The following AUTS2 variants were observed in gnomAD, a reference collection of about 807,000 sequenced individuals.
The protein encoded by AUTS2 is autism susceptibility gene 2 protein.
A neutral mutation model predicts 112.4 loss-of-function variants in AUTS2; 17 were observed. The ratio of observed to expected loss-of-function variants is 0.15; its 90% confidence interval spans 0.10 to 0.23. AUTS2 has a LOEUF of 0.23. Among genes scored for constraint, AUTS2 ranks in the 10% least tolerant of loss-of-function variants. The pLI is 1.00. For synonymous variants in AUTS2, 751 were observed against 702.7 expected, an observed-to-expected ratio of 1.07 and a Z score of -1.09; for missense variants, 1,510 against 1,701.6, an observed-to-expected ratio of 0.89 and a Z score of 1.98.
At chr7:70,128,439 TTAAC>T (rs1806093676) in intron 3 of AUTS2, among the ~76,000 whole-genome samples, 1 of 152,166 alleles carries the variant, frequency 6.6e-6, no homozygotes, top group Non-Finnish European at 1.5e-5. Flanking sequence ...TGTTGCTACT[TTAAC>T]TAGTGTGATT....
At chr7:70,743,396 G>A (rs1788234591) in intron 6 of AUTS2, among the ~76,000 whole-genome samples, 1 of 150,422 alleles carries the variant, frequency 6.6e-6, no homozygotes, top group Non-Finnish European at 1.5e-5. Context: ...TTGAACTTGG[G>A]AGGCAGAGGT....
At chr7:70,707,202 G>T (rs887421053) in intron 6 of AUTS2, among the ~76,000 whole-genome samples, 4 of 152,162 alleles carry the variant, frequency 2.6e-5, no homozygotes, top group Admixed American at 2.0e-4. Flanking sequence ...ATTTAGAAAA[G>T]AATTTAGAAA....
intron 3 of AUTS2, among the ~76,000 whole-genome samples, chr7:70,121,251 G>T (rs938058704): frequency 6.6e-6 from 1 of 152,038 alleles, no homozygotes; most frequent in Non-Finnish European, 1.5e-5. Context: ...ACTCTTAGAA[G>T]AAAATATACA....
chr7:69,765,909 T>C (rs1788401467), intron 1 of AUTS2, among the ~76,000 whole-genome samples: 1 of 152,170 alleles, frequency 6.6e-6, no homozygotes, highest in Non-Finnish European at 1.5e-5. Flanking sequence ...ATCATGCCAC[T>C]GCATTCCAGC....
At chr7:70,329,605 A>AT (rs1399373811) in intron 4 of AUTS2, among the ~76,000 whole-genome samples, 2 of 147,916 alleles carry the variant, frequency 1.4e-5, no homozygotes, top group Admixed American at 1.4e-4. Flanking sequence ...TTTTTTGCTC[A>AT]TTTTTCAATT....
intron 4 of AUTS2, among the ~76,000 whole-genome samples, chr7:70,195,333 G>C (rs1584864329): frequency 6.6e-6 from 1 of 152,104 alleles, no homozygotes; most frequent in East Asian, 1.9e-4. Context: ...AATCAGAATA[G>C]GGAGTGAGCT....
At chr7:69,615,982 A>T (rs1011450570) in intron 1 of AUTS2, among the ~76,000 whole-genome samples, 1 of 152,250 alleles carries the variant, frequency 6.6e-6, no homozygotes, top group Non-Finnish European at 1.5e-5. Flanking sequence ...TGCTTAGTTC[A>T]GCACTGCTAG....
intron 1 of AUTS2, among the ~76,000 whole-genome samples, chr7:69,777,623 A>C (rs984399601): frequency 6.6e-6 from 1 of 152,234 alleles, no homozygotes; most frequent in Non-Finnish European, 1.5e-5. Flanking sequence ...TGCCCAGGAC[A>C]GTGCTTTGCA....
chr7:70,300,800 G>T (rs991460549), intron 4 of AUTS2, among the ~76,000 whole-genome samples: 2 of 152,122 alleles, frequency 1.3e-5, no homozygotes, highest in African/African-American at 4.8e-5. Context: ...GTGGGCTTTT[G>T]GGATGTAGAC....
chr7:69,961,506 T>A (rs1198376047), intron 2 of AUTS2, among the ~76,000 whole-genome samples: 1 of 152,174 alleles, frequency 6.6e-6, no homozygotes, highest in African/African-American at 2.4e-5. Flanking sequence ...AGTTGTAATC[T>A]CAGTATATTC....
intron 1 of AUTS2, among the ~76,000 whole-genome samples, chr7:69,874,264 A>G (rs1252869265): frequency 6.6e-6 from 1 of 152,146 alleles, no homozygotes; most frequent in East Asian, 1.9e-4. Flanking sequence ...CACACTTGGC[A>G]TGACTGGGAA....
chr7:70,569,711 C>G (rs1024873587), intron 5 of AUTS2, among the ~76,000 whole-genome samples: 2 of 152,194 alleles, frequency 1.3e-5, no homozygotes, highest in African/African-American at 2.4e-5. Flanking sequence ...CTCATTCATT[C>G]CTGTTACAGA....
chr7:70,406,833 G>A (rs1794557110), intron 4 of AUTS2, among the ~76,000 whole-genome samples: 1 of 152,172 alleles, frequency 6.6e-6, no homozygotes, highest in Non-Finnish European at 1.5e-5. Context: ...GTAACTCTTG[G>A]TAGCAAAGCA....
At chr7:70,598,101 C>T (rs544859159) in intron 5 of AUTS2, among the ~76,000 whole-genome samples, 19 of 152,294 alleles carry the variant, frequency 1.2e-4, no homozygotes, top group African/African-American at 4.3e-4. Context: ...TATCGAAAGA[C>T]GTTTGCTGTA....
intron 4 of AUTS2, among the ~76,000 whole-genome samples, chr7:70,234,505 T>C (rs974403288): frequency 1.3e-5 from 2 of 152,200 alleles, no homozygotes; most frequent in Admixed American, 1.3e-4. Flanking sequence ...GCCAGTTGTT[T>C]TTATGTGTAT....
chr7:70,049,426 T>C (rs1433725960), intron 2 of AUTS2, among the ~76,000 whole-genome samples: 2 of 151,790 alleles, frequency 1.3e-5, no homozygotes, highest in Non-Finnish European at 2.9e-5. Context: ...ACTTCCCAGG[T>C]TCAAGTGATT....
At chr7:70,175,274 C>T (rs1176182247) in intron 4 of AUTS2, among the ~76,000 whole-genome samples, 3 of 152,170 alleles carry the variant, frequency 2.0e-5, no homozygotes, top group African/African-American at 7.2e-5. Context: ...TGAATTTCTG[C>T]AATCTCATCA....
intron 4 of AUTS2, among the ~76,000 whole-genome samples, chr7:70,234,309 A>T (rs1299841609): frequency 2.0e-5 from 3 of 152,228 alleles, no homozygotes; most frequent in Admixed American, 6.5e-5. Flanking sequence ...TAATTTTTTT[A>T]GAACTGGCGT....
intron 1 of AUTS2, among the ~76,000 whole-genome samples, chr7:69,844,358 A>G (rs990219891): frequency 3.3e-5 from 5 of 152,196 alleles, no homozygotes; most frequent in African/African-American, 1.2e-4. Context: ...AATGAAATAA[A>G]TTAAACAGAC....
Sources: allele counts gnomAD v4.1 joint callset (sites outside exome capture counted in the v4.1 genomes callset), GRCh38; gene constraint gnomAD v4.1.1; transcripts MANE v1.5; gene names NCBI Gene and HGNC (gene_info 2026-07-23, HGNC 2026-07-21).